The following MYH16 variants were observed in gnomAD, a reference collection of about 807,000 sequenced individuals.
MYH16 encodes myosin heavy chain 16.
intron 7 of MYH16, chr7:99,253,366 A>C (rs1309963260): frequency 6.6e-6 from 1 of 152,094 alleles, no homozygotes; most frequent in Non-Finnish European, 1.5e-5. Context: ...AATAAATAAA[A>C]ATAAATGAAT....
At chr7:99,272,567 C>A (rs971430692) in intron 19 of MYH16, among the ~76,000 whole-genome samples, 1 of 151,848 alleles carries the variant, frequency 6.6e-6, no homozygotes, top group East Asian at 1.9e-4. Flanking sequence ...GATAGGGAGA[C>A]CCCATCTCTA....
intron 30 of MYH16, among the ~76,000 whole-genome samples, chr7:99,289,995 T>C (rs75613712): frequency 6.6e-6 from 1 of 152,190 alleles, no homozygotes; most frequent in African/African-American, 2.4e-5. Flanking sequence ...TAATTGGCAA[T>C]TTATCAATGT....
intron 21 of MYH16, among the ~76,000 whole-genome samples, chr7:99,278,780 C>T (rs1256628789): frequency 2.0e-5 from 3 of 152,204 alleles, no homozygotes; most frequent in Non-Finnish European, 4.4e-5. Context: ...CTTCCACTGT[C>T]CCCAAAGGCC....
exon 34 of MYH16, chr7:99,296,892 G>A (rs1055566355): frequency 4.4e-6 from 2 of 457,126 alleles, no homozygotes; most frequent in Non-Finnish European, 8.8e-6. Context: ...TAGAGTCCGT[G>A]AAGAAGGAGA....
rs60084317 is a variant in MYH16 at position 99,264,554 on chromosome 7, G to A, written n.1941+246G>A. Among the ~76,000 whole-genome samples, 480 of 152,356 alleles carry A rather than the reference G, an allele frequency of 3.2e-3. 3 individuals are homozygous for A. Among genetic ancestry groups the A allele is most frequent in the African/African-American group, 0.011 (461 of 41,586 alleles). On this transcript the variant is annotated intron_variant and non_coding_transcript_variant, in intron 15 of 41. Coordinates refer to ENST00000439784, the Ensembl canonical transcript of MYH16. ...TCACGCGAGATAGCAATGCCCAAGA[G>A]CTTGTGTCCTAGAGTTGGCTGGCAG...
chr7:99,310,218 A>G (rs1792741609), downstream of MYH16, among the ~76,000 whole-genome samples: 2 of 152,210 alleles, frequency 1.3e-5, no homozygotes, highest in Admixed American at 1.3e-4. Context: ...TGGCTGGAGT[A>G]GATGGGCTCA....
At chr7:99,283,607 C>T (rs977041397) in exon 24 of MYH16, 9 of 456,386 alleles carry the variant, frequency 2.0e-5, no homozygotes, top group Admixed American at 1.6e-4. Flanking sequence ...CAAGGTGAAC[C>T]ACCTGACCAA....
intron 11 of MYH16, among the ~76,000 whole-genome samples, chr7:99,259,195 C>G (rs1726334163): frequency 6.6e-6 from 1 of 152,170 alleles, no homozygotes; most frequent in Admixed American, 6.5e-5. Context: ...CTTCATCTTA[C>G]AGATGAGGAG....
intron 19 of MYH16, among the ~76,000 whole-genome samples, chr7:99,272,386 A>G (rs1265430636): frequency 6.6e-6 from 1 of 152,106 alleles, no homozygotes; most frequent in Non-Finnish European, 1.5e-5. Flanking sequence ...TTCTCACTCC[A>G]CATCCCTGCC....
At chr7:99,285,103 G>C (rs1792260342) in intron 26 of MYH16, among the ~76,000 whole-genome samples, 168 bp downstream of exon 8, 1 of 152,164 alleles carries the variant, frequency 6.6e-6, no homozygotes, top group South Asian at 2.1e-4. Context: ...TCCGTACAAT[G>C]GTTATGAGGC....
At chr7:99,307,419 T>TA (rs1427475740), downstream of MYH16, among the ~76,000 whole-genome samples, 2 of 152,118 alleles carry the variant, frequency 1.3e-5, no homozygotes, top group Non-Finnish European at 2.9e-5. Flanking sequence ...ATATTGGAGA[T>TA]AAATATATAA....
At chr7:99,250,858 C>T (rs948868972) in intron 5 of MYH16, among the ~76,000 whole-genome samples, 1 of 152,190 alleles carries the variant, frequency 6.6e-6, no homozygotes, top group Non-Finnish European at 1.5e-5. Flanking sequence ...CCCGTGTCCC[C>T]AGGTGCCCCT....
chr7:99,248,253 C>T (rs2150806390), intron 3 of MYH16, among the ~76,000 whole-genome samples: 1 of 152,310 alleles, frequency 6.6e-6, no homozygotes. Context: ...AGGCATGTGC[C>T]ACCACACCCA....
chr7:99,309,261 T>C (rs1177411698), downstream of MYH16, among the ~76,000 whole-genome samples: 1 of 152,174 alleles, frequency 6.6e-6, no homozygotes, highest in Admixed American at 6.5e-5. Context: ...GAATTATATC[T>C]GGCCTCACTG....
At chr7:99,294,554 A>AT (rs112941638) in intron 33 of MYH16, among the ~76,000 whole-genome samples, 25,183 of 132,668 alleles carry the variant, frequency 0.19, 4,898 homozygotes, top group African/African-American at 0.5. Context: ...AGAAAAAAAA[A>AT]ATATATATAT....
chr7:99,260,532 T>C, intron 12 of MYH16: 1 of 320,886 alleles, frequency 3.1e-6, no homozygotes, highest in Non-Finnish European at 6.0e-6. Flanking sequence ...GGCTATTGCA[T>C]GCCACCATTC....
chr7:99,291,776 T>G (rs1022222315), intron 31 of MYH16, among the ~76,000 whole-genome samples: 1 of 151,968 alleles, frequency 6.6e-6, no homozygotes, highest in African/African-American at 2.4e-5. Context: ...CTGGCCAACA[T>G]GGCAAAACCT....
chr7:99,282,989 A>C (rs145485677), intron 23 of MYH16, among the ~76,000 whole-genome samples: 6 of 152,288 alleles, frequency 3.9e-5, no homozygotes, highest in Non-Finnish European at 7.4e-5. Flanking sequence ...TCTTCATGGT[A>C]CCAGATTGTC....
intron 37 of MYH16, among the ~76,000 whole-genome samples, chr7:99,301,321 T>C (rs939658705): frequency 6.6e-6 from 1 of 152,100 alleles, no homozygotes; most frequent in African/African-American, 2.4e-5. Context: ...TGGAGAAGGC[T>C]GTGCTGGGAA....
Sources: gnomAD v4.1 joint callset for allele counts (sites outside exome capture counted in the v4.1 genomes callset) on GRCh38, gnomAD v4.1.1 for gene constraint, MANE v1.5 for transcripts, NCBI Gene and HGNC (gene_info 2026-07-23, HGNC 2026-07-21) for gene names.